The following EVC2 variants were observed in gnomAD, a reference collection of about 807,000 sequenced individuals.
EVC2 encodes the protein limbin.
Under a neutral mutation model 149.3 loss-of-function variants are expected in EVC2, and 148 were observed. The ratio of observed to expected loss-of-function variants is 0.99; its 90% CI spans 0.87 to 1.14. The LOEUF is 1.14. Ranked by LOEUF, EVC2 falls within the 50% of genes most tolerant of loss-of-function variation. The probability of loss-of-function intolerance (pLI) is 0.00; values close to 1 mark genes in which losing one functional copy is unlikely to be tolerated. For missense variants in EVC2, 1,854 were observed against 1,627.3 expected, an observed-to-expected ratio of 1.14 and a Z score of -2.40; for synonymous variants, 776 against 649.9, an observed-to-expected ratio of 1.19 and a Z score of -2.95.
intron 16 of EVC2, among the ~76,000 whole-genome samples, chr4:5,600,873 G>T (rs992655950): frequency 2.8e-4 from 43 of 152,184 alleles, no homozygotes; most frequent in African/African-American, 9.2e-4. Context: ...GATGACTGGA[G>T]ATTTAGTCTC....
At position 5,679,777 on chromosome 4, in the gene EVC2, A is replaced by C. The variant is rs73200118; in HGVS notation, c.870+1483T>G. On this transcript the variant is annotated intron_variant, in intron 7 of 21. Transcript: ENST00000344408. This position sits in a 1 kb window ranked among gnomAD's most constrained non-coding sequence, Gnocchi z 5.1. ...AATTGCCCTTGCCCCCCATCCCCCG[A>C]CAGGTCCCAGTGTGTGATGTTCCCC... Among the ~76,000 whole-genome samples the C allele has an allele frequency of 0.15, 22,520 of 151,742 alleles. 1,798 individuals carry two copies. Among genetic ancestry groups the C allele is most frequent in the Non-Finnish European group, 0.16 (11,114 of 67,914 alleles).
intron 15 of EVC2, among the ~76,000 whole-genome samples, chr4:5,617,223 C>G (rs1715322072): frequency 6.6e-6 from 1 of 152,082 alleles, no homozygotes; most frequent in African/African-American, 2.4e-5. Context: ...AGTTTAAAGT[C>G]AGGAAACACC....
Position 5,576,107 on chromosome 4 carries a change from G to A in EVC2, c.3272+133C>T. 7.0e-7 allele frequency: 1 copy of A among 1,422,234 alleles called. No individual in the cohort carries two copies. The highest frequency in any genetic ancestry group is 1.8e-5 in the Admixed American group (1 of 57,138). The allele number at this position is 1,422,234 out of a possible 1,614,324, so 88.1% of individuals were successfully genotyped here. On this transcript the variant is annotated intron_variant, in intron 18 of 21. Coordinates refer to ENST00000344408, the MANE Select transcript of EVC2 (RefSeq NM_147127.5). This position sits in a 1 kb window ranked among gnomAD's most constrained non-coding sequence, Gnocchi z 4.5. Reference sequence around the variant, plus strand: ...TGCTACAAAGCCAGCAGCTCGTGTTGGAGCAATGGGATGACACCTTAGGCA... The same window carrying A: ...TGCTACAAAGCCAGCAGCTCGTGTTAGAGCAATGGGATGACACCTTAGGCA...
At chr4:5,575,585 G>A (rs57426766) in intron 18 of EVC2, among the ~76,000 whole-genome samples, 1,739 of 152,300 alleles carry the variant, frequency 0.011, 25 homozygotes, top group African/African-American at 0.039. Flanking sequence ...TAGCGTGTGC[G>A]TGTGTTTGCA....
downstream of EVC2, among the ~76,000 whole-genome samples, chr4:5,561,905 T>C (rs941154001): frequency 6.6e-6 from 1 of 152,160 alleles, no homozygotes; most frequent in African/African-American, 2.4e-5. Context: ...GAGAGGACTC[T>C]CATCCTAATC....
the EVC2 span, among the ~76,000 whole-genome samples, chr4:5,531,421 C>T: frequency 1.2e-4 from 18 of 152,164 alleles, no homozygotes; most frequent in African/African-American, 4.1e-4. Flanking sequence ...GGCCACAAAC[C>T]CATCCGGCCT....
At chr4:5,532,673 C>G in the EVC2 span, among the ~76,000 whole-genome samples, 1 of 152,152 alleles carries the variant, frequency 6.6e-6, no homozygotes, top group Non-Finnish European at 1.5e-5. Context: ...TAAGTGTGGC[C>G]ACTGCTGCCT....
At chr4:5,703,921 AG>A (rs1208202740) in intron 1 of EVC2, among the ~76,000 whole-genome samples, 3 of 152,122 alleles carry the variant, frequency 2.0e-5, no homozygotes, top group Non-Finnish European at 2.9e-5. Context: ...AGTGGCTGTC[AG>A]GGTATCAGGG....
intron 16 of EVC2, among the ~76,000 whole-genome samples, chr4:5,596,292 G>A (rs554239676): frequency 1.6e-4 from 25 of 152,106 alleles, no homozygotes; most frequent in Non-Finnish European, 2.9e-4. Context: ...CACCACACCT[G>A]TTCCAAAATT....
rs1409341522 is a variant in EVC2, at chr4:5,679,457, T to TG, written c.870+1802dup. Among the ~76,000 whole-genome samples, 7 of 152,116 alleles carry TG rather than the reference T, an allele frequency of 4.6e-5. No individual in the cohort carries two copies. The highest frequency in any genetic ancestry group is 1.4e-4 in the African/African-American group (6 of 41,422). On this transcript the variant is annotated intron_variant, in intron 7 of 21. Transcript: ENST00000344408. The surrounding 1 kb of genome is among the most constrained non-coding windows in gnomAD (Gnocchi z 5.1). ...TTAGCCATGTTGGCCAGGCTGATCT[T>TG]GAACTCCTGGCTTCAAGTGATCAGC...
chr4:5,579,450 T>G (rs1172413934), intron 17 of EVC2, among the ~76,000 whole-genome samples: 1 of 152,174 alleles, frequency 6.6e-6, no homozygotes, highest in Non-Finnish European at 1.5e-5. Flanking sequence ...TACATCAGAC[T>G]AGTGAAGCTG....
intron 16 of EVC2, among the ~76,000 whole-genome samples, chr4:5,587,357 C>A (rs1217402819): frequency 6.6e-6 from 1 of 152,206 alleles, no homozygotes; most frequent in Non-Finnish European, 1.5e-5. Context: ...AATGGAACTA[C>A]AGAAGAACAA....
intron 16 of EVC2, among the ~76,000 whole-genome samples, chr4:5,594,329 G>A (rs1323174058): frequency 6.6e-6 from 1 of 152,184 alleles, no homozygotes; most frequent in Admixed American, 6.5e-5. Flanking sequence ...CTCCCAGTAG[G>A]GGCAGACTGA....
Position 5,625,306 on chromosome 4 carries a change from A to G in EVC2, c.2046+443T>C, listed in dbSNP as rs966682911. Among the ~76,000 whole-genome samples, 7 of 116,542 alleles carry G rather than the reference A, an allele frequency of 6.0e-5. No homozygotes were observed. The highest frequency in any genetic ancestry group is 1.0e-4 in the Non-Finnish European group (6 of 58,900). The allele number at this position is 116,542 out of a possible 152,430, so 76.5% of individuals were successfully genotyped here. On this transcript the variant is annotated intron_variant, in intron 13 of 21. Transcript: ENST00000344408. This position sits in a 1 kb window ranked among gnomAD's most constrained non-coding sequence, Gnocchi z 4.0. ...ACTTACTAGATATTTGACCTTGACCATACACACACACACACACACACACAC... is the reference window on the plus strand; with the variant it reads ...ACTTACTAGATATTTGACCTTGACCGTACACACACACACACACACACACAC...
chr4:5,688,866 A>C (rs1385645367), intron 5 of EVC2, among the ~76,000 whole-genome samples: 1 of 152,192 alleles, frequency 6.6e-6, no homozygotes, highest in African/African-American at 2.4e-5. Flanking sequence ...GCATGTTTGA[A>C]ATTTTTCATA....
chr4:5,657,500 G>C lies in EVC2; in HGVS notation c.1145+5607C>G, dbSNP rs997583138. 2.0e-5 allele frequency among the ~76,000 whole-genome samples: 3 copies of C among 152,096 alleles called. No individual in the cohort carries two copies. Among genetic ancestry groups the C allele is most frequent in the African/African-American group, 7.2e-5 (3 of 41,416 alleles). On this transcript the variant is annotated intron_variant, in intron 9 of 21. Coordinates refer to ENST00000344408, the MANE Select transcript of EVC2 (RefSeq NM_147127.5). This position sits in a 1 kb window ranked among gnomAD's most constrained non-coding sequence, Gnocchi z 4.7. ...CACATCACATCTGGAAACATGTTGT[G>C]TTGTCTTCTGGTTTGAGTAATGCTG...
intron 7 of EVC2, among the ~76,000 whole-genome samples, chr4:5,671,354 G>A (rs766661224): frequency 1.1e-4 from 16 of 152,162 alleles, no homozygotes; most frequent in Non-Finnish European, 2.2e-4. Context: ...TTCCCACTCT[G>A]AGTATGCAGC....
rs897972159 is a variant in EVC2, at chr4:5,694,490, G to A, written c.295C>T (p.Leu99Phe). ...CHFKTAVEAP[L>F]GMKLDKKMEV... ...ATTTTCTTGTCCAATTTCATTCCAAGTGGTGCTTCCACTGCAAAACAACAA... is the reference window on the plus strand; with the variant it reads ...ATTTTCTTGTCCAATTTCATTCCAAATGGTGCTTCCACTGCAAAACAACAA... The change falls in exon 3 of 22, where the codon CTT becomes TTT. Residue 99 changes from leucine (L) to phenylalanine (F), a missense_variant. Coordinates refer to ENST00000344408, the MANE Select transcript of EVC2 (RefSeq NM_147127.5). The A allele has an allele frequency of 3.1e-6, 5 of 1,614,196 alleles. No individual in the cohort carries two copies. The African/African-American group carries it at 4.0e-5, about 13-fold the overall frequency.
At position 5,557,075 on chromosome 4, in the gene EVC2, G is replaced by C. The variant is rs139972512; in HGVS notation, c.3419+8183C>G. Among the ~76,000 whole-genome samples, 11 of 152,056 alleles carry C rather than the reference G, an allele frequency of 7.2e-5. 1 individual carries two copies. Among genetic ancestry groups the C allele is most frequent in the Middle Eastern group, 3.4e-3 (1 of 294 alleles). The stretch of plus-strand genomic sequence containing the variant: ...CAGAAAGAATACTTCCTAACTCACA[G>C]GACCAGTATAACTGTAATATAAAAA... On this transcript the variant is annotated intron_variant and NMD_transcript_variant, in intron 21 of 22. Transcript: ENST00000475313.
Sources: gnomAD v4.1 joint callset for allele counts (sites outside exome capture counted in the v4.1 genomes callset) on GRCh38, gnomAD v4.1.1 for gene constraint, Gnocchi (gnomAD v3.1) non-coding constraint, MANE v1.5 for transcripts, NCBI Gene and HGNC (gene_info 2026-07-23, HGNC 2026-07-21) for gene names.